Variants in PTPRG observed in about 807,000 individuals in gnomAD.
The protein encoded by PTPRG is protein tyrosine phosphatase receptor type G.
In PTPRG, 102 loss-of-function variants were observed where a neutral mutation model predicts 165.3. The ratio of observed to expected loss-of-function variants is 0.62; its 90% CI spans 0.53 to 0.73. PTPRG has a LOEUF of 0.73. PTPRG is among the 30% of genes least tolerant of loss of function. The pLI is 0.00. For synonymous variants in PTPRG, 675 were observed against 669.5 expected (o/e 1.01, Z -0.13); for missense variants, 1,866 against 1,861.4 (o/e 1.00, Z -0.05).
At chr3:61,658,133 G>A (rs1290076211) in intron 1 of PTPRG, among the ~76,000 whole-genome samples, 1 of 152,212 alleles carries the variant, frequency 6.6e-6, no homozygotes, top group Non-Finnish European at 1.5e-5. Flanking sequence ...TGCATGTACT[G>A]TTCAGGTCAT....
At chr3:61,951,429 G>T (rs1182976895) in intron 2 of PTPRG, among the ~76,000 whole-genome samples, 21 of 152,130 alleles carry the variant, frequency 1.4e-4, no homozygotes. Flanking sequence ...GGTGCCCTTT[G>T]TAGAAAGATT....
chr3:61,895,230 G>A (rs1279874683), intron 2 of PTPRG, among the ~76,000 whole-genome samples: 1 of 152,184 alleles, frequency 6.6e-6, no homozygotes, highest in African/African-American at 2.4e-5. Flanking sequence ...TGACTTAGTT[G>A]GTCTGGCTGG....
At chr3:61,651,974 C>CA in intron 1 of PTPRG, among the ~76,000 whole-genome samples, 1 of 152,220 alleles carries the variant, frequency 6.6e-6, no homozygotes, top group Admixed American at 6.5e-5. Flanking sequence ...CACACCACTG[C>CA]ACTCCAGCCT....
intron 4 of PTPRG, among the ~76,000 whole-genome samples, chr3:62,005,040 T>C (rs773697281): frequency 6.3e-4 from 96 of 152,336 alleles, no homozygotes; most frequent in Admixed American, 3.3e-4. Flanking sequence ...ATGTTTATTT[T>C]TCTATAGATG....
intron 2 of PTPRG, among the ~76,000 whole-genome samples, chr3:61,853,188 G>T (rs962668820): frequency 3.9e-5 from 6 of 152,176 alleles, no homozygotes; most frequent in African/African-American, 1.4e-4. Flanking sequence ...GCAGGGAAGG[G>T]GGGTTTGAGA....
At chr3:62,152,900 T>C (rs1411633090) in intron 6 of PTPRG, among the ~76,000 whole-genome samples, 1 of 152,226 alleles carries the variant, frequency 6.6e-6, no homozygotes, top group Non-Finnish European at 1.5e-5. Context: ...GAAGGCCAAA[T>C]CCATTCTACT....
intron 2 of PTPRG, among the ~76,000 whole-genome samples, chr3:61,904,102 C>T (rs1464323377): frequency 6.6e-6 from 1 of 152,150 alleles, no homozygotes; most frequent in Non-Finnish European, 1.5e-5. Flanking sequence ...TTTCTTTCCA[C>T]AGCCGGGACT....
Position 61,742,612 on chromosome 3 carries a change from G to A in PTPRG, c.86-6266G>A, listed in dbSNP as rs2106886710. The A allele has an allele frequency of 1.9e-6, 3 of 1,602,224 alleles. No individual in the cohort carries two copies. In the East Asian group the frequency reaches 6.7e-5, roughly 36 times the overall value. On this transcript the variant is annotated intron_variant, in intron 1 of 29. Coordinates refer to ENST00000474889, the MANE Select transcript of PTPRG (RefSeq NM_002841.4). ...CATCTTCACGTGACCAACAGCTACA[G>A]CCAGACATAACACCTTCTTCATTTG...
intron 6 of PTPRG, among the ~76,000 whole-genome samples, chr3:62,151,358 G>T (rs1576067894): frequency 2.0e-5 from 3 of 152,072 alleles, no homozygotes; most frequent in Admixed American, 6.6e-5. Context: ...CCCCTAACTG[G>T]TTATTCATAT....
At chr3:61,870,493 T>A (rs2037536887) in intron 2 of PTPRG, among the ~76,000 whole-genome samples, 1 of 130,608 alleles carries the variant, frequency 7.7e-6, no homozygotes, top group Non-Finnish European at 1.6e-5. Flanking sequence ...TTTTTTTTTT[T>A]TTTTTTTTTG....
chr3:61,658,311 G>A (rs890933467), intron 1 of PTPRG, among the ~76,000 whole-genome samples: 4 of 152,208 alleles, frequency 2.6e-5, no homozygotes, highest in Admixed American at 6.5e-5. Flanking sequence ...CTGATGAGAC[G>A]GTGTCCTAGG....
intron 2 of PTPRG, among the ~76,000 whole-genome samples, chr3:61,974,447 G>A (rs2040456337): frequency 1.3e-5 from 2 of 152,002 alleles, no homozygotes; most frequent in Non-Finnish European, 2.9e-5. Context: ...CAGCTACTCG[G>A]GAGGCTGAGG....
chr3:61,685,384 G>A (rs369077038), intron 1 of PTPRG, among the ~76,000 whole-genome samples: 1 of 152,300 alleles, frequency 6.6e-6, no homozygotes, highest in South Asian at 2.1e-4. Context: ...GGTCCCAATA[G>A]GGATCTGACT....
intron 1 of PTPRG, among the ~76,000 whole-genome samples, chr3:61,652,810 TC>T: frequency 6.6e-6 from 1 of 152,174 alleles, no homozygotes; most frequent in Non-Finnish European, 1.5e-5. Context: ...AGTTGGAACA[TC>T]CAGGGGTAGT....
chr3:62,272,254 T>G (rs1702091875), intron 21 of PTPRG, among the ~76,000 whole-genome samples: 1 of 152,204 alleles, frequency 6.6e-6, no homozygotes, highest in Non-Finnish European at 1.5e-5. Context: ...TTCTTCTAAA[T>G]AACAATATTT....
At chr3:61,790,049 G>T (rs910478283) in intron 2 of PTPRG, among the ~76,000 whole-genome samples, 5 of 152,114 alleles carry the variant, frequency 3.3e-5, no homozygotes, top group Non-Finnish European at 7.4e-5. Flanking sequence ...TATTCCAGTG[G>T]GTGGTTTCTC....
At chr3:62,175,853 T>G (rs1229427886) in intron 8 of PTPRG, among the ~76,000 whole-genome samples, 1 of 151,826 alleles carries the variant, frequency 6.6e-6, no homozygotes, top group Non-Finnish European at 1.5e-5. Flanking sequence ...GAGAAGAAGG[T>G]CATTTGCAAG....
chr3:62,143,968 G>A (rs184483731), intron 6 of PTPRG, among the ~76,000 whole-genome samples: 4 of 152,334 alleles, frequency 2.6e-5, no homozygotes, highest in Non-Finnish European at 1.5e-5. Flanking sequence ...TGCCTGGTAT[G>A]TGTTCAGTGC....
rs56007933 is a variant in PTPRG at position 61,711,521 on chromosome 3, G to C, written c.86-37357G>C. ...TTGATTTGCATTTCTCTAATGACCA[G>C]TGATGATGAGCTTTCTTTCATGTTT... is the stretch of plus-strand genomic sequence containing the variant. On this transcript the variant is annotated intron_variant, in intron 1 of 29. Coordinates refer to ENST00000474889, the MANE Select transcript of PTPRG (RefSeq NM_002841.4). Among the ~76,000 whole-genome samples, 952 of 152,306 alleles carry C rather than the reference G, an allele frequency of 6.3e-3. 6 individuals are homozygous for C. The highest frequency in any genetic ancestry group is 0.011 in the Admixed American group (169 of 15,292).
Sources: gnomAD v4.1 joint callset for allele counts (sites outside exome capture counted in the v4.1 genomes callset) on GRCh38, gnomAD v4.1.1 for gene constraint, MANE v1.5 for transcripts, NCBI Gene and HGNC (gene_info 2026-07-23, HGNC 2026-07-21) for gene names.